PTPN4: variants seen among roughly 807,000 people sequenced by gnomAD.
PTPN4 encodes the protein tyrosine-protein phosphatase non-receptor type 4.
A neutral mutation model predicts 135.5 loss-of-function variants in PTPN4; 49 were observed. That is an observed-to-expected ratio of 0.36 (90% CI 0.29 to 0.46). PTPN4 has a LOEUF of 0.46. PTPN4 is among the 20% of genes least tolerant of loss of function. PTPN4 has a pLI of 1.00. For synonymous variants in PTPN4, 333 were observed against 369.9 expected (o/e 0.90, Z 1.14); for missense variants, 860 against 1,101.0 (o/e 0.78, Z 3.10).
At chr2:119,806,904 A>G (rs1026888978) in intron 1 of PTPN4, among the ~76,000 whole-genome samples, 8 of 152,238 alleles carry the variant, frequency 5.3e-5, no homozygotes, top group Admixed American at 3.3e-4. Flanking sequence ...CAATCAAATT[A>G]GAACTCAGGA....
At chr2:119,972,082 G>A (rs1179148826) in intron 26 of PTPN4, among the ~76,000 whole-genome samples, 4 of 151,854 alleles carry the variant, frequency 2.6e-5, no homozygotes, top group East Asian at 1.9e-4. Context: ...ATGTAAATCC[G>A]TAACTCTTTT....
intron 13 of PTPN4, among the ~76,000 whole-genome samples, chr2:119,929,951 T>G (rs1678879874): frequency 6.6e-6 from 1 of 152,200 alleles, no homozygotes; most frequent in Non-Finnish European, 1.5e-5. Context: ...CGTAGTTTAA[T>G]ATTTGAGGAA....
Position 119,983,472 on chromosome 2 carries a change from C to T in PTPN4, c.*6402C>T, listed in dbSNP as rs1370874787. The T allele has an allele frequency of 1.3e-5, 2 of 152,182 alleles. No homozygotes were observed. Among genetic ancestry groups the T allele is most frequent in the African/African-American group, 4.8e-5 (2 of 41,438 alleles). 9.4% of individuals were successfully genotyped at this position (152,182 alleles called of 1,614,324 possible). ...TGGGTAAGAAAATTTTAACCCAAGTCTGGGATTCTCTGGCACCTGTCTTTT... is the reference window on the plus strand; with the variant it reads ...TGGGTAAGAAAATTTTAACCCAAGTTTGGGATTCTCTGGCACCTGTCTTTT... On this transcript the variant is annotated 3_prime_UTR_variant, in exon 27 of 27. Transcript: ENST00000263708.
intron 1 of PTPN4, among the ~76,000 whole-genome samples, chr2:119,775,864 A>G (rs1376938259): frequency 6.6e-6 from 1 of 151,640 alleles, no homozygotes; most frequent in Non-Finnish European, 1.5e-5. Context: ...TACTTTTTAA[A>G]GGTTGAGGAT....
At chr2:119,778,648 ATAAGT>A (rs540407167) in intron 1 of PTPN4, among the ~76,000 whole-genome samples, 5 of 152,348 alleles carry the variant, frequency 3.3e-5, no homozygotes, top group African/African-American at 4.8e-5. Context: ...AAAGATTAAA[ATAAGT>A]TAAATAAAAA....
At chr2:119,924,084 C>T (rs1678778911) in intron 12 of PTPN4, among the ~76,000 whole-genome samples, 1 of 148,084 alleles carries the variant, frequency 6.8e-6, no homozygotes. Flanking sequence ...TTGCAGTGAG[C>T]CGAGATGGAG....
chr2:119,977,148 A>C lies in PTPN4; in HGVS notation c.*78A>C. The C allele has an allele frequency of 7.1e-7, 1 of 1,399,906 alleles. No homozygotes were observed. The highest frequency in any genetic ancestry group is 1.5e-5 in the African/African-American group (1 of 64,776). The allele number at this position is 1,399,906 out of a possible 1,614,324, so 86.7% of individuals were successfully genotyped here. A position where few individuals can be genotyped will look rare whatever the true frequency, so the allele number is the denominator to read the frequency against. ...ACTGTGCCATAATGCTGCTCGCAGG[A>C]AATGGCATTTTACAAAAAAAAAATG... is the stretch of plus-strand genomic sequence containing the variant. On this transcript the variant is annotated 3_prime_UTR_variant, in exon 27 of 27. Transcript: ENST00000263708.
At chr2:119,934,130 A>G (rs1010232407) in intron 14 of PTPN4, among the ~76,000 whole-genome samples, 1 of 152,196 alleles carries the variant, frequency 6.6e-6, no homozygotes, top group African/African-American at 2.4e-5. Context: ...TTCTGAAGAG[A>G]TAGTACAAGG....
At chr2:119,770,571 T>C (rs1690715224) in intron 1 of PTPN4, among the ~76,000 whole-genome samples, 1 of 152,314 alleles carries the variant, frequency 6.6e-6, no homozygotes, top group African/African-American at 2.4e-5. Context: ...ACCTTTTTTA[T>C]GTAGAAGGTA....
intron 12 of PTPN4, among the ~76,000 whole-genome samples, chr2:119,925,892 T>C (rs1574407513): frequency 6.6e-6 from 1 of 152,278 alleles, no homozygotes; most frequent in East Asian, 1.9e-4. Flanking sequence ...ATTTATTACC[T>C]CCCTCTTAGA....
intron 2 of PTPN4, among the ~76,000 whole-genome samples, chr2:119,816,444 A>T (rs1306550183): frequency 6.6e-6 from 1 of 152,106 alleles, no homozygotes; most frequent in Non-Finnish European, 1.5e-5. Context: ...GTGGTCCCCG[A>T]CCTTTTTGGC....
At chr2:119,899,444 T>G (rs1459897142) in intron 9 of PTPN4, among the ~76,000 whole-genome samples, 1 of 152,088 alleles carries the variant, frequency 6.6e-6, no homozygotes, top group Non-Finnish European at 1.5e-5. Flanking sequence ...GTTTTATGAA[T>G]TTTTTTTCCT....
chr2:119,981,674 C>A lies in PTPN4; in HGVS notation c.*4604C>A, dbSNP rs1679697476. 6.6e-6 allele frequency: 1 copy of A among 152,028 alleles called. No homozygotes were observed. Among genetic ancestry groups the A allele is most frequent in the African/African-American group, 2.4e-5 (1 of 41,416 alleles). 9.4% of individuals were successfully genotyped at this position (152,028 alleles called of 1,614,324 possible). ...CCTAATTTGTATGTTTTTTGTTCAA[C>A]TTACCGTGTCTGCAACCATTATATA... On this transcript the variant is annotated 3_prime_UTR_variant, in exon 27 of 27. Coordinates refer to ENST00000263708, the MANE Select transcript of PTPN4 (RefSeq NM_002830.4).
Position 119,885,891 on chromosome 2 carries a change from A to G in PTPN4, c.675+9A>G. 6.5e-7 allele frequency: 1 copy of G among 1,544,112 alleles called. No homozygotes were observed. The highest frequency in any genetic ancestry group is 8.8e-7 in the Non-Finnish European group (1 of 1,141,730). On this transcript the variant is annotated intron_variant, in intron 9 of 26. Transcript: ENST00000263708. ...AATTCCACTATGCAAGGGTAAGTGA[A>G]GAAAACTTACTTTGATGTTGTTGAG...
intron 1 of PTPN4, among the ~76,000 whole-genome samples, chr2:119,788,017 C>CA: frequency 6.6e-6 from 1 of 152,246 alleles, no homozygotes; most frequent in East Asian, 1.9e-4. Flanking sequence ...TATGCCTCTT[C>CA]ATGCAACATA....
chr2:119,767,516 C>G (rs957435093), intron 1 of PTPN4, among the ~76,000 whole-genome samples: 4 of 152,240 alleles, frequency 2.6e-5, no homozygotes, highest in Admixed American at 6.5e-5. Context: ...ATTTTTCCAA[C>G]TATCCCAGTA....
intron 1 of PTPN4, among the ~76,000 whole-genome samples, chr2:119,809,054 T>C (rs553013441): frequency 1.0e-3 from 157 of 152,280 alleles, no homozygotes; most frequent in Non-Finnish European, 1.6e-3. Flanking sequence ...GTTTTAAAGT[T>C]TGAATCCTTA....
At chr2:119,944,701 A>G (rs1679107891) in intron 15 of PTPN4, among the ~76,000 whole-genome samples, 1 of 152,128 alleles carries the variant, frequency 6.6e-6, no homozygotes, top group Admixed American at 6.5e-5. Context: ...AGGCTGGAAT[A>G]GTTACTTTAT....
intron 10 of PTPN4, among the ~76,000 whole-genome samples, chr2:119,903,286 T>C (rs766107090): frequency 1.4e-4 from 22 of 152,050 alleles, no homozygotes; most frequent in Non-Finnish European, 2.2e-4. Flanking sequence ...GGGGGCTAAG[T>C]AAGGACTGGC....
Sources: gnomAD v4.1 joint callset for allele counts (sites outside exome capture counted in the v4.1 genomes callset) on GRCh38, gnomAD v4.1.1 for gene constraint, MANE v1.5 for transcripts, NCBI Gene and HGNC (gene_info 2026-07-23, HGNC 2026-07-21) for gene names.